The following PUDP variants were observed in gnomAD, a reference collection of about 807,000 sequenced individuals.
PUDP encodes pseudouridine 5'-phosphatase, also known as pseudouridine-5'-phosphatase.
Under a neutral mutation model 9.4 loss-of-function variants are expected in PUDP, and 8 were observed. The observed-to-expected ratio is 0.85, with a 90% CI of 0.50 to 1.53. The LOEUF is 1.53. Ranked by LOEUF, PUDP falls within the 40% of genes most tolerant of loss-of-function variation. The probability of loss-of-function intolerance (pLI) is 0.00; values close to 1 mark genes in which losing one functional copy is unlikely to be tolerated. For synonymous variants in PUDP, 99 were observed against 80.7 expected, an observed-to-expected ratio of 1.23 and a Z score of -1.22; for missense variants, 188 against 189.7, an observed-to-expected ratio of 0.99 and a Z score of 0.05.
intron 1 of PUDP, among the ~76,000 whole-genome samples, chrX:7,126,181 A>G (rs1932482285): frequency 8.9e-6 from 1 of 112,018 alleles, no homozygotes; most frequent in African/African-American, 3.3e-5. Context: ...TGTCACAGGA[A>G]TATTTCTTTA....
chrX:6,932,844 C>G (rs779962468), intron 3 of PUDP, among the ~76,000 whole-genome samples: 1 of 110,837 alleles, frequency 9.0e-6, no homozygotes, highest in Non-Finnish European at 1.9e-5. Context: ...GAGGGTCCTA[C>G]GCCCACGGAG....
chrX:6,753,333 T>C (rs764688011), intron 3 of PUDP, among the ~76,000 whole-genome samples: 1 of 112,841 alleles, frequency 8.9e-6, no homozygotes, highest in East Asian at 2.8e-4. Context: ...TAGTATTCCA[T>C]CATATACATA....
At chrX:6,770,461 G>A (rs759494237) in intron 3 of PUDP, among the ~76,000 whole-genome samples, 3 of 112,552 alleles carry the variant, frequency 2.7e-5, no homozygotes, top group Non-Finnish European at 5.6e-5. Flanking sequence ...TAGGGATGGA[G>A]CCAGAAGCCT....
At chrX:6,813,486 C>T (rs1160427998) in intron 3 of PUDP, among the ~76,000 whole-genome samples, 1 of 111,475 alleles carries the variant, frequency 9.0e-6, no homozygotes, top group African/African-American at 3.3e-5. Flanking sequence ...AGAATTCTCT[C>T]CTGCAACCCA....
In PUDP at chrX:7,026,723, A is replaced by G. The variant is rs775669637; in HGVS notation, c.205-48380T>C. Among the ~76,000 whole-genome samples, 3 of 111,988 alleles carry G rather than the reference A, an allele frequency of 2.7e-5. No homozygotes were observed. In the South Asian group the frequency reaches 1.1e-3, roughly 42 times the overall value. ...GGCATCTAGTGGGAAGAGGCCAGGG[A>G]TGATGCTGCACATCCCATGTTGCAT... On this transcript the variant is annotated intron_variant and NMD_transcript_variant, in intron 1 of 3. Coordinates refer to the PUDP transcript ENST00000655425.
rs180716302 is a variant in PUDP at position 6,918,417 on chromosome X, T to C, written c.*247+58716A>G. 6.3e-5 allele frequency among the ~76,000 whole-genome samples: 7 copies of C among 111,514 alleles called. No individual in the cohort carries two copies. The East Asian group carries it at 1.7e-3, about 27-fold the overall frequency. On this transcript the variant is annotated intron_variant and NMD_transcript_variant, in intron 3 of 3. Transcript: ENST00000655425. ...GTGTAAGCTGATCCTCATTGCAGTA[T>C]GCAAGTGAAAATCATCTATCATGAG... is the stretch of plus-strand genomic sequence containing the variant.
At chrX:6,793,099 G>C (rs1925778315) in intron 3 of PUDP, among the ~76,000 whole-genome samples, 1 of 112,670 alleles carries the variant, frequency 8.9e-6, no homozygotes, top group African/African-American at 3.2e-5. Context: ...GCAGCCGGCA[G>C]ACTTGGTGTC....
chrX:6,932,656 G>T (rs1385529391), intron 3 of PUDP, among the ~76,000 whole-genome samples: 1 of 111,973 alleles, frequency 8.9e-6, no homozygotes, highest in Non-Finnish European at 1.9e-5. Flanking sequence ...GCGAGCCGAA[G>T]CAGGGCGAGG....
chrX:6,834,996 T>A (rs897597315), intron 3 of PUDP, among the ~76,000 whole-genome samples: 1 of 110,872 alleles, frequency 9.0e-6, no homozygotes, highest in African/African-American at 3.3e-5. Context: ...CAAAAGGTGG[T>A]TCTGGATGGT....
At chrX:7,024,001 T>C (rs1325934524) in intron 1 of PUDP, among the ~76,000 whole-genome samples, 1 of 112,086 alleles carries the variant, frequency 8.9e-6, no homozygotes, top group Non-Finnish European at 1.9e-5. Context: ...GATTCTTCAT[T>C]GCTAGTATAT....
chrX:6,935,916 C>T (rs1277709284), intron 3 of PUDP, among the ~76,000 whole-genome samples: 1 of 93,865 alleles, frequency 1.1e-5, no homozygotes, highest in Non-Finnish European at 2.1e-5. Context: ...CACATACACT[C>T]TCCCAAGACT....
chrX:6,983,245 G>A (rs1929060724), intron 1 of PUDP, among the ~76,000 whole-genome samples: 1 of 111,305 alleles, frequency 9.0e-6, no homozygotes, highest in African/African-American at 3.3e-5. Context: ...CCAAGAACTT[G>A]GGGATCAGAG....
intron 1 of PUDP, among the ~76,000 whole-genome samples, chrX:7,139,462 T>C (rs1932775618): frequency 8.9e-6 from 1 of 111,817 alleles, no homozygotes; most frequent in Admixed American, 9.5e-5. Flanking sequence ...GCAGGAAGAT[T>C]TGCTGGATAC....
At chrX:6,873,942 CA>C (rs758592829) in intron 3 of PUDP, among the ~76,000 whole-genome samples, 34 of 111,258 alleles carry the variant, frequency 3.1e-4, no homozygotes, top group Admixed American at 1.1e-3. Context: ...GGCAACAAGG[CA>C]AAACCTCATC....
chrX:7,129,053 G>A (rs1356718290), intron 1 of PUDP, among the ~76,000 whole-genome samples: 1 of 111,896 alleles, frequency 8.9e-6, no homozygotes. Flanking sequence ...CTAAAACATA[G>A]TCCTCATGGG....
chrX:6,937,488 GGATTAAA>G (rs1489030455), intron 3 of PUDP, among the ~76,000 whole-genome samples: 17 of 103,196 alleles, frequency 1.6e-4, no homozygotes, highest in Non-Finnish European at 3.2e-4. Context: ...AATTCAAGAT[GGATTAAA>G]GACTTAAACA....
intron 3 of PUDP, among the ~76,000 whole-genome samples, chrX:6,948,529 T>C (rs1335708694): frequency 8.9e-6 from 1 of 112,155 alleles, no homozygotes; most frequent in Non-Finnish European, 1.9e-5. Flanking sequence ...GTTAAAATTG[T>C]AGATTCTAAT....
At chrX:7,101,008 C>A (rs912153976) in intron 2 of PUDP, among the ~76,000 whole-genome samples, 1 of 112,023 alleles carries the variant, frequency 8.9e-6, no homozygotes, top group Non-Finnish European at 1.9e-5. Context: ...ACTGTCCCTG[C>A]ACATCATCTG....
intron 1 of PUDP, among the ~76,000 whole-genome samples, chrX:7,008,308 G>A (rs1464916516): frequency 9.0e-6 from 1 of 110,966 alleles, no homozygotes; most frequent in East Asian, 2.8e-4. Flanking sequence ...ATAATCCCAA[G>A]GTCGGTGAAT....
Sources: gnomAD v4.1 joint callset for allele counts (sites outside exome capture counted in the v4.1 genomes callset) on GRCh38, gnomAD v4.1.1 for gene constraint, MANE v1.5 for transcripts, NCBI Gene and HGNC (gene_info 2026-07-23, HGNC 2026-07-21) for gene names.